The following ARHGAP15 variants were observed in gnomAD, a reference collection of about 807,000 sequenced individuals.
ARHGAP15 encodes the protein rho GTPase-activating protein 15.
Under a neutral mutation model 63.7 loss-of-function variants are expected in ARHGAP15, and 51 were observed. That is an observed-to-expected ratio of 0.80 (90% CI 0.64 to 1.01). ARHGAP15 has a LOEUF of 1.01. Among genes scored for constraint, ARHGAP15 ranks in the 50% least tolerant of loss-of-function variants. The pLI is 0.00. For synonymous variants in ARHGAP15, 191 were observed against 193.8 expected (o/e 0.99, Z 0.12); for missense variants, 560 against 564.6 (o/e 0.99, Z 0.08).
At chr2:143,759,770 G>A (rs1441099957) in intron 13 of ARHGAP15, among the ~76,000 whole-genome samples, 1 of 151,874 alleles carries the variant, frequency 6.6e-6, no homozygotes, top group Non-Finnish European at 1.5e-5. Flanking sequence ...GGGCTTCCCT[G>A]AGCACTCCGT....
intron 1 of ARHGAP15, among the ~76,000 whole-genome samples, chr2:143,139,507 G>T (rs1689276500): frequency 6.6e-6 from 1 of 152,068 alleles, no homozygotes; most frequent in South Asian, 2.1e-4. Context: ...AGGCTTTAGG[G>T]TGATAGTTGG....
chr2:143,731,900 GAGA>G lies in ARHGAP15; in HGVS notation c.1244+28379_1244+28381del, dbSNP rs1461816550. Among the ~76,000 whole-genome samples, 9 of 152,324 alleles carry G rather than the reference GAGA, an allele frequency of 5.9e-5. No homozygotes were observed. In the East Asian group the frequency reaches 1.2e-3, roughly 20 times the overall value. ...ATGGAAGCAAAATCTAGCATCCAGA[GAGA>G]AGGTGTTATTTTCCTAGATCAACCA... is the stretch of plus-strand genomic sequence containing the variant. On this transcript the variant is annotated intron_variant, in intron 13 of 13. Coordinates refer to ENST00000295095, the MANE Select transcript of ARHGAP15 (RefSeq NM_018460.4).
intron 10 of ARHGAP15, among the ~76,000 whole-genome samples, chr2:143,540,162 G>A (rs1040445588): frequency 3.9e-5 from 6 of 152,030 alleles, no homozygotes; most frequent in Non-Finnish European, 8.8e-5. Flanking sequence ...TTTGATCTTT[G>A]TTGGTTTAAA....
intron 12 of ARHGAP15, among the ~76,000 whole-genome samples, chr2:143,681,623 A>T (rs1310706264): frequency 6.6e-6 from 1 of 152,194 alleles, no homozygotes; most frequent in Non-Finnish European, 1.5e-5. Context: ...CAGATTCTCT[A>T]TAAATAGTTC....
chr2:143,189,765 A>G (rs2105087879), intron 2 of ARHGAP15, among the ~76,000 whole-genome samples: 2 of 152,000 alleles, frequency 1.3e-5, no homozygotes, highest in Admixed American at 1.3e-4. Flanking sequence ...CCCGGACTTG[A>G]TCTTTTCTTT....
chr2:143,361,738 T>C (rs1043745859), intron 6 of ARHGAP15, among the ~76,000 whole-genome samples: 3 of 152,188 alleles, frequency 2.0e-5, no homozygotes, highest in African/African-American at 7.2e-5. Flanking sequence ...CATCTATTAA[T>C]TGAATTTCTA....
chr2:143,374,891 T>C (rs140525629), intron 6 of ARHGAP15, among the ~76,000 whole-genome samples: 1 of 152,294 alleles, frequency 6.6e-6, no homozygotes, highest in African/African-American at 2.4e-5. Context: ...CATTTTATAA[T>C]CTCAGAATTT....
chr2:143,433,478 A>C (rs1689474683), intron 6 of ARHGAP15, among the ~76,000 whole-genome samples: 1 of 152,094 alleles, frequency 6.6e-6, no homozygotes, highest in Non-Finnish European at 1.5e-5. Flanking sequence ...ATGAATTCGT[A>C]AATCACTGAT....
At chr2:143,264,061 G>A (rs1680875676) in intron 6 of ARHGAP15, among the ~76,000 whole-genome samples, 1 of 151,426 alleles carries the variant, frequency 6.6e-6, no homozygotes, top group South Asian at 2.1e-4. Context: ...TCAGGGAGAG[G>A]CACCAGTGTT....
chr2:143,444,355 TA>T (rs1690037316), intron 8 of ARHGAP15, among the ~76,000 whole-genome samples: 2 of 152,234 alleles, frequency 1.3e-5, no homozygotes, highest in African/African-American at 4.8e-5. Context: ...TCCATGACTT[TA>T]AAATGGGCGT....
chr2:143,421,800 A>ATGTG (rs60882246), intron 6 of ARHGAP15, among the ~76,000 whole-genome samples: 18 of 14,402 alleles, frequency 1.2e-3, no homozygotes, highest in African/African-American at 3.5e-3. Context: ...ATATATATAT[A>ATGTG]TGTGTGTGTT....
At chr2:143,351,300 T>TA (rs1205846934) in intron 6 of ARHGAP15, 1 of 152,208 alleles carries the variant, frequency 6.6e-6, no homozygotes, top group African/African-American at 2.4e-5. Context: ...TCATGATTGA[T>TA]ATATGTTTTT....
chr2:143,477,438 T>G, intron 8 of ARHGAP15, among the ~76,000 whole-genome samples: 1 of 152,236 alleles, frequency 6.6e-6, no homozygotes, highest in Middle Eastern at 3.4e-3. Flanking sequence ...TTAATATTAA[T>G]CTATTAAGAT....
chr2:143,132,533 G>T (rs1400232095), intron 1 of ARHGAP15, among the ~76,000 whole-genome samples: 1 of 152,228 alleles, frequency 6.6e-6, no homozygotes, highest in Non-Finnish European at 1.5e-5. Flanking sequence ...GTCAGATTTA[G>T]ATCTGATGGG....
intron 2 of ARHGAP15, among the ~76,000 whole-genome samples, chr2:143,176,049 A>G (rs1026367691): frequency 5.3e-5 from 8 of 152,334 alleles, no homozygotes; most frequent in South Asian, 2.1e-4. Context: ...CAAGGGAATC[A>G]TTCCACGGTT....
intron 6 of ARHGAP15, among the ~76,000 whole-genome samples, chr2:143,260,211 G>A (rs1436793497): frequency 6.6e-6 from 1 of 152,034 alleles, no homozygotes. Flanking sequence ...CGCACTTTTT[G>A]TTGAAAATAA....
chr2:143,494,122 C>A lies in ARHGAP15; in HGVS notation c.826+6627C>A, dbSNP rs370920180. Reference sequence around the variant, plus strand: ...AAGAATTATGATTCTTTCTTCAGTGCTGGATTTTTTATATTTTTGTTATTA... The same window carrying A: ...AAGAATTATGATTCTTTCTTCAGTGATGGATTTTTTATATTTTTGTTATTA... On this transcript the variant is annotated intron_variant, in intron 9 of 13. Transcript: ENST00000295095. Among the ~76,000 whole-genome samples the A allele has an allele frequency of 2.5e-4, 38 of 152,176 alleles. 1 individual carries two copies. The South Asian group carries it at 7.5e-3, about 30-fold the overall frequency.
chr2:143,426,708 T>G (rs1689151082), intron 6 of ARHGAP15, among the ~76,000 whole-genome samples: 1 of 152,160 alleles, frequency 6.6e-6, no homozygotes, highest in Admixed American at 6.6e-5. Context: ...CAACTTTGGG[T>G]AGCGAGTCCC....
At chr2:143,392,045 T>A (rs12999615) in intron 6 of ARHGAP15, among the ~76,000 whole-genome samples, 36,955 of 151,672 alleles carry the variant, frequency 0.24, 5,446 homozygotes, top group East Asian at 0.63. Context: ...CAAAAAAAGG[T>A]GACAGGAATG....
Sources: gnomAD v4.1 joint callset for allele counts (sites outside exome capture counted in the v4.1 genomes callset) on GRCh38, gnomAD v4.1.1 for gene constraint, MANE v1.5 for transcripts, NCBI Gene and HGNC (gene_info 2026-07-23, HGNC 2026-07-21) for gene names.